The following CEP112 variants were observed in gnomAD, a reference collection of about 807,000 sequenced individuals.
The protein encoded by CEP112 is centrosomal protein of 112 kDa.
A neutral mutation model predicts 153.0 loss-of-function variants in CEP112; 127 were observed. That is an observed-to-expected ratio of 0.83 (90% CI 0.72 to 0.96). The LOEUF is 0.96. Among genes scored for constraint, CEP112 ranks in the 40% least tolerant of loss-of-function variants. The pLI, the probability that CEP112 is intolerant of heterozygous loss-of-function variation, is 0.00. For missense variants in CEP112, 1,089 were observed against 1,101.2 expected, an observed-to-expected ratio of 0.99 and a Z score of 0.16; for synonymous variants, 358 against 374.4, an observed-to-expected ratio of 0.96 and a Z score of 0.51.
intron 18 of CEP112, among the ~76,000 whole-genome samples, chr17:65,960,380 C>T (rs553474592): frequency 6.6e-6 from 1 of 152,128 alleles, no homozygotes; most frequent in African/African-American, 2.4e-5. Flanking sequence ...ATGCCTGTAA[C>T]ATATTAATGC....
At chr17:65,977,323 C>T (rs1472984800) in intron 17 of CEP112, among the ~76,000 whole-genome samples, 1 of 152,186 alleles carries the variant, frequency 6.6e-6, no homozygotes, top group Non-Finnish European at 1.5e-5. Flanking sequence ...TCCAGGTTTT[C>T]AGCTTCTGCA....
At chr17:65,904,522 G>A (rs980785923) in intron 19 of CEP112, among the ~76,000 whole-genome samples, 2 of 152,170 alleles carry the variant, frequency 1.3e-5, no homozygotes, top group African/African-American at 4.8e-5. Context: ...AAATGGCCAT[G>A]CTGCCCGAAG....
chr17:65,867,090 G>A (rs1451592669), intron 20 of CEP112, among the ~76,000 whole-genome samples: 1 of 152,198 alleles, frequency 6.6e-6, no homozygotes, highest in African/African-American at 2.4e-5. Flanking sequence ...TTAAAGCTCT[G>A]CGGTTCCTGA....
chr17:65,761,524 A>G (rs1489871685), intron 21 of CEP112, among the ~76,000 whole-genome samples: 1 of 152,190 alleles, frequency 6.6e-6, no homozygotes, highest in Non-Finnish European at 1.5e-5. Context: ...TTCTTGTCTC[A>G]TAAATGCATT....
intron 8 of CEP112, among the ~76,000 whole-genome samples, chr17:66,092,044 C>T (rs1414416227): frequency 7.1e-6 from 1 of 141,638 alleles, no homozygotes; most frequent in Admixed American, 7.1e-5. Flanking sequence ...TATGTATTTA[C>T]TTTTTTTTTT....
At chr17:65,699,926 C>T (rs562074251) in intron 23 of CEP112, among the ~76,000 whole-genome samples, 2 of 152,268 alleles carry the variant, frequency 1.3e-5, no homozygotes, top group South Asian at 2.1e-4. Flanking sequence ...GCAAGGTCAG[C>T]GATGATTCTC....
intron 20 of CEP112, among the ~76,000 whole-genome samples, chr17:65,860,950 T>C (rs2058293647): frequency 2.0e-5 from 3 of 152,172 alleles, no homozygotes; most frequent in Admixed American, 2.0e-4. Flanking sequence ...ACCTAATACA[T>C]GCTACAGTAG....
intron 21 of CEP112, among the ~76,000 whole-genome samples, chr17:65,752,093 AT>A (rs754255261): frequency 1.3e-5 from 2 of 152,054 alleles, no homozygotes; most frequent in Non-Finnish European, 2.9e-5. Flanking sequence ...ATAACTATCT[AT>A]CTACACATAT....
chr17:65,756,222 G>A (rs1460745321), intron 21 of CEP112, among the ~76,000 whole-genome samples: 1 of 151,888 alleles, frequency 6.6e-6, no homozygotes, highest in Non-Finnish European at 1.5e-5. Flanking sequence ...TGACCAACAT[G>A]GTGAAACCCC....
Position 65,946,243 on chromosome 17 carries a change from C to G in CEP112, c.1872+15220G>C, listed in dbSNP as rs1419346131. Among the ~76,000 whole-genome samples the G allele has an allele frequency of 6.6e-5, 10 of 152,198 alleles. No individual in the cohort carries two copies. The East Asian group carries it at 1.9e-3, about 29-fold the overall frequency. ...CCTTTTTGTTTCCTATTTAGAAAATCTTTATCTATTCCCAACTATCAAAAA... is the reference window on the plus strand; with the variant it reads ...CCTTTTTGTTTCCTATTTAGAAAATGTTTATCTATTCCCAACTATCAAAAA... On this transcript the variant is annotated intron_variant, in intron 18 of 26. Coordinates refer to ENST00000535342, the MANE Select transcript of CEP112 (RefSeq NM_001199165.4).
intron 24 of CEP112, among the ~76,000 whole-genome samples, chr17:65,644,128 T>C (rs1337632408): frequency 1.3e-5 from 2 of 152,212 alleles, no homozygotes; most frequent in East Asian, 3.9e-4. Flanking sequence ...TTCCCAATCT[T>C]GGCCCCATCA....
chr17:65,711,420 A>G (rs2049178486), intron 23 of CEP112, among the ~76,000 whole-genome samples: 1 of 152,234 alleles, frequency 6.6e-6, no homozygotes, highest in Non-Finnish European at 1.5e-5. Flanking sequence ...GGTGGACATG[A>G]GGATTATTAC....
intron 24 of CEP112, among the ~76,000 whole-genome samples, chr17:65,664,317 C>T (rs1031010704): frequency 6.6e-6 from 1 of 152,132 alleles, no homozygotes; most frequent in Non-Finnish European, 1.5e-5. Flanking sequence ...CCACACTTGG[C>T]TGAGGGCTTG....
At chr17:65,640,382 G>A (rs1043301406) in intron 25 of CEP112, among the ~76,000 whole-genome samples, 1 of 151,954 alleles carries the variant, frequency 6.6e-6, no homozygotes, top group Non-Finnish European at 1.5e-5. Flanking sequence ...TCAAACTCCT[G>A]ACCTCAAATG....
intron 20 of CEP112, among the ~76,000 whole-genome samples, chr17:65,877,658 ACTATGTAAAAACC>A (rs1196728862): frequency 1.3e-5 from 2 of 152,214 alleles, no homozygotes; most frequent in East Asian, 3.8e-4. Flanking sequence ...ACTATGTAAC[ACTATGTAAAAACC>A]CTATGTAAGA....
At chr17:65,693,755 C>G (rs1057282602) in intron 23 of CEP112, among the ~76,000 whole-genome samples, 13 of 152,230 alleles carry the variant, frequency 8.5e-5, no homozygotes, top group Middle Eastern at 3.4e-3. Flanking sequence ...ACTATCCGTG[C>G]CCCCTCCAAA....
chr17:65,942,470 C>A (rs188989787), intron 18 of CEP112, among the ~76,000 whole-genome samples: 1 of 152,236 alleles, frequency 6.6e-6, no homozygotes, highest in Admixed American at 6.5e-5. Flanking sequence ...GATGTCAGGG[C>A]AACTGCAATT....
chr17:65,901,017 C>G (rs1157493387), intron 20 of CEP112, among the ~76,000 whole-genome samples: 2 of 152,152 alleles, frequency 1.3e-5, no homozygotes. Flanking sequence ...GAAGACAACT[C>G]AAGGTCAAAT....
chr17:65,772,816 G>C (rs940051566), intron 21 of CEP112, among the ~76,000 whole-genome samples: 3 of 152,068 alleles, frequency 2.0e-5, no homozygotes, highest in African/African-American at 2.4e-5. Context: ...TCTGCACAGG[G>C]TGTTATTAAG....
Sources: allele counts gnomAD v4.1 joint callset (sites outside exome capture counted in the v4.1 genomes callset), GRCh38; gene constraint gnomAD v4.1.1; transcripts MANE v1.5; gene names NCBI Gene and HGNC (gene_info 2026-07-23, HGNC 2026-07-21).